Variants in PCDHGA4 observed in about 807,000 individuals in gnomAD.
PCDHGA4 encodes protocadherin gamma subfamily A, 4.
A neutral mutation model predicts 54.6 loss-of-function variants in PCDHGA4; 38 were observed. That is an observed-to-expected ratio of 0.70 (90% confidence interval 0.54 to 0.91). PCDHGA4 has a LOEUF of 0.91. PCDHGA4 is among the 40% of genes least tolerant of loss of function. The pLI, the probability that PCDHGA4 is intolerant of heterozygous loss-of-function variation, is 0.00. For missense variants in PCDHGA4, 1,298 were observed against 1,220.9 expected, an observed-to-expected ratio of 1.06 and a Z score of -0.94; for synonymous variants, 511 against 512.9, an observed-to-expected ratio of 1.00 and a Z score of 0.05.
intron 1 of PCDHGA4, among the ~76,000 whole-genome samples, chr5:141,358,954 AT>A (rs1761073251): frequency 6.6e-6 from 1 of 152,182 alleles, no homozygotes; most frequent in South Asian, 2.1e-4. Flanking sequence ...TTGTGCTTTC[AT>A]TTAGGTTCTG....
At chr5:141,410,698 C>G in intron 1 of PCDHGA4, 1 of 1,482,836 alleles carries the variant, frequency 6.7e-7, no homozygotes, top group Non-Finnish European at 9.0e-7. Context: ...ACTTTATTTT[C>G]ATATCTAGAA....
At chr5:141,440,280 A>G (rs1389627767) in intron 1 of PCDHGA4, 1 of 152,220 alleles carries the variant, frequency 6.6e-6, no homozygotes, top group East Asian at 1.9e-4. Context: ...CAGCCTGACC[A>G]ACATAGTGAA....
chr5:141,474,321 A>G (rs75620387), intron 1 of PCDHGA4, among the ~76,000 whole-genome samples: 2,046 of 152,326 alleles, frequency 0.013, 15 homozygotes, highest in Middle Eastern at 0.034. Context: ...GTGTTTTCAA[A>G]TCACCCTGAT....
chr5:141,497,104 T>C (rs757158984), intron 2 of PCDHGA4, among the ~76,000 whole-genome samples: 44 of 151,910 alleles, frequency 2.9e-4, no homozygotes, highest in Non-Finnish European at 5.9e-4. Context: ...CAGAACTGCT[T>C]GAACCCGGAA....
At chr5:141,502,494 A>G (rs928571740) in intron 2 of PCDHGA4, among the ~76,000 whole-genome samples, 2 of 152,180 alleles carry the variant, frequency 1.3e-5, no homozygotes, top group South Asian at 2.1e-4. Context: ...GGACTCATCT[A>G]ACGTCGGCCT....
intron 2 of PCDHGA4, among the ~76,000 whole-genome samples, chr5:141,503,685 G>A (rs1171934407): frequency 2.6e-5 from 4 of 151,882 alleles, no homozygotes; most frequent in African/African-American, 9.7e-5. Context: ...TTGGGAAGGA[G>A]AATTGAGATT....
intron 1 of PCDHGA4, chr5:141,394,510 C>A (rs371348730): frequency 3.1e-6 from 5 of 1,614,216 alleles, no homozygotes; most frequent in Non-Finnish European, 3.4e-6. Context: ...CTGTACCCCG[C>A]CCTCCCCACA....
chr5:141,375,842 C>T, intron 1 of PCDHGA4: 2 of 1,614,122 alleles, frequency 1.2e-6, no homozygotes, highest in East Asian at 4.5e-5. Flanking sequence ...GCCCGGCTAC[C>T]TGGTGACCAA....
intron 1 of PCDHGA4, chr5:141,409,266 A>G (rs1285539149): frequency 1.1e-5 from 17 of 1,613,922 alleles, no homozygotes; most frequent in Non-Finnish European, 1.4e-5. Flanking sequence ...CTCTCTGATC[A>G]GATTTTGGAG....
chr5:141,390,239 C>T (rs769717528), intron 1 of PCDHGA4: 1 of 1,614,022 alleles, frequency 6.2e-7, no homozygotes, highest in Admixed American at 1.7e-5. Flanking sequence ...CATCTGGGGC[C>T]TTATTTCCAC....
rs1275109387 is a variant in PCDHGA4 at position 141,431,924 on chromosome 5, A to G, written c.2515-62883A>G. The G allele has an allele frequency of 1.1e-5, 17 of 1,614,050 alleles. No homozygotes were observed. Among genetic ancestry groups the G allele is most frequent in the Non-Finnish European group, 1.4e-5 (17 of 1,179,982 alleles). On this transcript the variant is annotated intron_variant, in intron 1 of 3. Coordinates refer to ENST00000571252, the MANE Select transcript of PCDHGA4 (RefSeq NM_018917.4). The surrounding 1 kb of genome is among the most constrained non-coding windows in gnomAD (Gnocchi z 4.8). ...ACAGGTGATCTGTTTCATCCAAGGA[A>G]ATCTGCCCTTTAAATTAGAAAAATC... is the stretch of plus-strand genomic sequence containing the variant.
intron 1 of PCDHGA4, among the ~76,000 whole-genome samples, chr5:141,370,010 T>A (rs1325355528): frequency 6.6e-6 from 1 of 152,172 alleles, no homozygotes; most frequent in African/African-American, 2.4e-5. Context: ...TTAAAAGAAA[T>A]AACAGACTAA....
At chr5:141,404,029 C>A in intron 1 of PCDHGA4, 2 of 1,613,428 alleles carry the variant, frequency 1.2e-6, no homozygotes, top group South Asian at 1.1e-5. Flanking sequence ...TGAGAGAAGA[C>A]GCACCTCAGG....
intron 1 of PCDHGA4, chr5:141,395,163 G>T: frequency 6.2e-7 from 1 of 1,614,160 alleles, no homozygotes; most frequent in Non-Finnish European, 8.5e-7. Context: ...CAGTCAGGAG[G>T]GCTGTGAGAA....
chr5:141,427,556 C>A (rs1022143090), intron 1 of PCDHGA4: 7 of 649,144 alleles, frequency 1.1e-5, no homozygotes, highest in African/African-American at 1.1e-4. Flanking sequence ...CTGCCACTGA[C>A]AAGGGCAAGC....
chr5:141,413,343 G>A, intron 1 of PCDHGA4: 12 of 1,613,994 alleles, frequency 7.4e-6, no homozygotes, highest in Non-Finnish European at 1.0e-5. Context: ...CCAAGGACTT[G>A]GGTCTGGCGC....
intron 1 of PCDHGA4, chr5:141,399,309 CA>C: frequency 6.2e-7 from 1 of 1,613,902 alleles, no homozygotes; most frequent in Non-Finnish European, 8.5e-7. Flanking sequence ...TCTCTTCATC[CA>C]AAAATTCGTA....
chr5:141,505,558 C>A (rs945428797), intron 3 of PCDHGA4, 77 bp downstream of exon 3: 1 of 1,605,016 alleles, frequency 6.2e-7, no homozygotes, highest in African/African-American at 1.3e-5. Context: ...ACCATGCCCA[C>A]GGACTGGATG....
intron 1 of PCDHGA4, chr5:141,415,478 G>C: frequency 6.2e-7 from 1 of 1,614,082 alleles, no homozygotes; most frequent in Non-Finnish European, 8.5e-7. Flanking sequence ...GCGGACTCGC[G>C]AAAGAGTCAC....
Sources: allele counts gnomAD v4.1 joint callset (sites outside exome capture counted in the v4.1 genomes callset), GRCh38; gene constraint gnomAD v4.1.1; non-coding constraint Gnocchi (gnomAD v3.1); transcripts MANE v1.5; gene names NCBI Gene and HGNC (gene_info 2026-07-23, HGNC 2026-07-21).